The following BMAL2 variants were observed in gnomAD, a reference collection of about 807,000 sequenced individuals.
BMAL2 encodes the protein basic helix-loop-helix ARNT-like protein 2.
At chr12:27,347,969 A>T in the BMAL2 span, among the ~76,000 whole-genome samples, 5,970 of 152,304 alleles carry the variant, frequency 0.039, 137 homozygotes, top group Middle Eastern at 0.11. Flanking sequence ...GGTCTGACAG[A>T]CATGTCATAA....
At chr12:27,365,203 A>G in the BMAL2 span, among the ~76,000 whole-genome samples, 5 of 152,042 alleles carry the variant, frequency 3.3e-5, no homozygotes, top group Non-Finnish European at 5.9e-5. Context: ...CACTTTCAAT[A>G]TTTCTTCACT....
At chr12:27,360,765 C>A in the BMAL2 span, among the ~76,000 whole-genome samples, 1 of 103,312 alleles carries the variant, frequency 9.7e-6, no homozygotes, top group Non-Finnish European at 1.8e-5. Context: ...TTTCTTCCAT[C>A]TTAAAGAAAT....
chr12:27,398,950 T>A, the BMAL2 span, among the ~76,000 whole-genome samples: 10,754 of 152,210 alleles, frequency 0.071, 440 homozygotes, highest in East Asian at 0.12. Flanking sequence ...TTGAGGCATC[T>A]GGGTTGTTAG....
chr12:27,392,557 G>T, the BMAL2 span, among the ~76,000 whole-genome samples: 1 of 151,998 alleles, frequency 6.6e-6, no homozygotes, highest in Non-Finnish European at 1.5e-5. Flanking sequence ...TCAGAATGTG[G>T]TATGTTTTAC....
the BMAL2 span, among the ~76,000 whole-genome samples, chr12:27,410,388 A>G: frequency 0.043 from 6,582 of 152,342 alleles, 157 homozygotes; most frequent in Middle Eastern, 0.071. Context: ...AATGTGGCAC[A>G]TATACACCAT....
chr12:27,354,132 A>C, the BMAL2 span, among the ~76,000 whole-genome samples: 2 of 152,328 alleles, frequency 1.3e-5, no homozygotes, highest in South Asian at 4.1e-4. Flanking sequence ...GTTCACTGCA[A>C]CACTATTCAA....
chr12:27,339,183 C>G, the BMAL2 span, among the ~76,000 whole-genome samples: 1 of 152,140 alleles, frequency 6.6e-6, no homozygotes, highest in Non-Finnish European at 1.5e-5. Flanking sequence ...CATCATTTAG[C>G]TCCCACTTAT....
At chr12:27,361,029 G>A in the BMAL2 span, among the ~76,000 whole-genome samples, 3 of 152,082 alleles carry the variant, frequency 2.0e-5, no homozygotes, top group Non-Finnish European at 4.4e-5. Flanking sequence ...TATTGGCTAC[G>A]AAAGTAGGTA....
the BMAL2 span, chr12:27,368,332 A>AC: frequency 6.2e-7 from 1 of 1,614,172 alleles, no homozygotes; most frequent in South Asian, 1.1e-5. Flanking sequence ...CAGGGACAAG[A>AC]CCAACAGCTA....
the BMAL2 span, among the ~76,000 whole-genome samples, chr12:27,353,974 G>A: frequency 7.2e-5 from 11 of 152,306 alleles, no homozygotes; most frequent in African/African-American, 2.4e-4. Context: ...TGATGGGAAC[G>A]TAAATTAGTT....
At chr12:27,368,247 C>G in the BMAL2 span, 1 of 1,613,256 alleles carries the variant, frequency 6.2e-7, no homozygotes, top group Non-Finnish European at 8.5e-7. Flanking sequence ...TCTTGTTGTA[C>G]TCTGCTGCCC....
chr12:27,355,423 G>A, the BMAL2 span, among the ~76,000 whole-genome samples: 1 of 152,048 alleles, frequency 6.6e-6, no homozygotes, highest in African/African-American at 2.4e-5. Flanking sequence ...CTCTCCCACT[G>A]ACACCAAATT....
At chr12:27,398,053 T>G in the BMAL2 span, among the ~76,000 whole-genome samples, 1 of 152,350 alleles carries the variant, frequency 6.6e-6, no homozygotes, top group African/African-American at 2.4e-5. Context: ...CTTGCAGGTT[T>G]CAGGTACTTT....
At chr12:27,377,710 C>T in the BMAL2 span, among the ~76,000 whole-genome samples, 1 of 152,116 alleles carries the variant, frequency 6.6e-6, no homozygotes, top group East Asian at 1.9e-4. Flanking sequence ...AACTGCACTG[C>T]AACCTGGGCA....
chr12:27,419,334 A>G, the BMAL2 span, among the ~76,000 whole-genome samples: 1 of 152,246 alleles, frequency 6.6e-6, no homozygotes, highest in Non-Finnish European at 1.5e-5. Flanking sequence ...CCAAGAGTAT[A>G]GTGCAGGCAT....
At chr12:27,395,632 A>C in the BMAL2 span, among the ~76,000 whole-genome samples, 1 of 152,306 alleles carries the variant, frequency 6.6e-6, no homozygotes, top group East Asian at 1.9e-4. Flanking sequence ...GGGGTTCCTA[A>C]AATGATTTTT....
the BMAL2 span, among the ~76,000 whole-genome samples, chr12:27,335,836 C>G: frequency 6.6e-6 from 1 of 151,776 alleles, no homozygotes; most frequent in East Asian, 1.9e-4. Context: ...GGAGGGACTG[C>G]CACTCCATCA....
the BMAL2 span, among the ~76,000 whole-genome samples, chr12:27,358,878 C>A: frequency 6.6e-6 from 1 of 151,808 alleles, no homozygotes; most frequent in Non-Finnish European, 1.5e-5. Flanking sequence ...ATCTCTGTTG[C>A]GCAAATTTTT....
chr12:27,402,785 A>G, the BMAL2 span: 1 of 1,037,772 alleles, frequency 9.6e-7, no homozygotes, highest in African/African-American at 1.6e-5. Flanking sequence ...TGAAATTAAA[A>G]GTAGTTCTGC....
Sources: gnomAD v4.1 joint callset for allele counts (sites outside exome capture counted in the v4.1 genomes callset) on GRCh38, gnomAD v4.1.1 for gene constraint, MANE v1.5 for transcripts, NCBI Gene and HGNC (gene_info 2026-07-23, HGNC 2026-07-21) for gene names.